The following CACNA2D1 variants were observed in gnomAD, a reference collection of about 807,000 sequenced individuals.
The protein encoded by CACNA2D1 is calcium voltage-gated channel auxiliary subunit alpha2delta 1.
Under a neutral mutation model 171.5 loss-of-function variants are expected in CACNA2D1, and 53 were observed. The observed-to-expected ratio is 0.31, with a 90% CI of 0.25 to 0.39. The LOEUF (loss-of-function observed/expected upper bound fraction) is 0.39, where lower values mean the gene tolerates loss of function less well. Among genes scored for constraint, CACNA2D1 ranks in the 10% least tolerant of loss-of-function variants. The pLI is 1.00. For synonymous variants in CACNA2D1, 442 were observed against 443.1 expected, an observed-to-expected ratio of 1.00 and a Z score of 0.03; for missense variants, 903 against 1,299.8, an observed-to-expected ratio of 0.69 and a Z score of 4.69.
At chr7:82,218,086 C>T (rs1385573029) in intron 3 of CACNA2D1, among the ~76,000 whole-genome samples, 2 of 151,910 alleles carry the variant, frequency 1.3e-5, no homozygotes, top group African/African-American at 2.4e-5. Context: ...AGGCACCCAC[C>T]ACCACGCCCG....
intron 9 of CACNA2D1, among the ~76,000 whole-genome samples, chr7:82,061,730 T>G (rs1282757788): frequency 5.9e-5 from 9 of 152,006 alleles, no homozygotes; most frequent in African/African-American, 1.9e-4. Flanking sequence ...GGAGGGAGAT[T>G]AGGGATTTTT....
At chr7:81,971,723 A>G in intron 26 of CACNA2D1, 54 bp downstream of exon 26, 2 of 999,210 alleles carry the variant, frequency 2.0e-6, no homozygotes, top group South Asian at 1.3e-5. Flanking sequence ...TCCACAGGAG[A>G]AACTAAATTG....
intron 4 of CACNA2D1, among the ~76,000 whole-genome samples, chr7:82,163,172 G>C (rs1795115002): frequency 1.3e-5 from 2 of 152,016 alleles, no homozygotes; most frequent in Admixed American, 6.6e-5. Flanking sequence ...ATATATATTA[G>C]TCTCCACATT....
At chr7:81,959,159 A>AAAAACTATGG in intron 38 of CACNA2D1, 116 bp downstream of exon 38, 1 of 762,442 alleles carries the variant, frequency 1.3e-6, no homozygotes, top group Non-Finnish European at 2.3e-6. Context: ...TGTTAATGAG[A>AAAAACTATGG]AAAACTATGG....
At chr7:82,237,163 A>T (rs1051663188) in intron 3 of CACNA2D1, among the ~76,000 whole-genome samples, 3 of 151,950 alleles carry the variant, frequency 2.0e-5, no homozygotes, top group Non-Finnish European at 4.4e-5. Flanking sequence ...GTAAAAAGTA[A>T]AGACCAGAAA....
Position 82,117,704 on chromosome 7 carries a change from A to G in CACNA2D1, c.397-531T>C, listed in dbSNP as rs373925749. ...CTTTAGGTCAAAAGATCGCTTGTGC[A>G]TGGGAGGTTAAGGCTGCAGTGAGCC... On this transcript the variant is annotated intron_variant, in intron 5 of 38. Transcript: ENST00000356860. Among the ~76,000 whole-genome samples, 13 of 152,206 alleles carry G rather than the reference A, an allele frequency of 8.5e-5. No individual in the cohort carries two copies. The East Asian group carries it at 1.7e-3, about 20-fold the overall frequency.
At chr7:82,019,971 T>C (rs935170332) in intron 12 of CACNA2D1, among the ~76,000 whole-genome samples, 1 of 152,202 alleles carries the variant, frequency 6.6e-6, no homozygotes, top group Non-Finnish European at 1.5e-5. Flanking sequence ...GGTAAAATTC[T>C]AATGTGGTTT....
At chr7:82,134,594 CT>C (rs1791390049) in intron 5 of CACNA2D1, among the ~76,000 whole-genome samples, 1 of 152,118 alleles carries the variant, frequency 6.6e-6, no homozygotes, top group East Asian at 1.9e-4. Context: ...ATTTATAAGG[CT>C]TTAATTTGCT....
At chr7:82,026,036 G>T (rs1483825423) in intron 12 of CACNA2D1, among the ~76,000 whole-genome samples, 1 of 144,420 alleles carries the variant, frequency 6.9e-6, no homozygotes, top group African/African-American at 2.5e-5. Flanking sequence ...ATCCTTCTTT[G>T]TCTCGTGTCA....
intron 3 of CACNA2D1, among the ~76,000 whole-genome samples, chr7:82,323,886 C>G (rs1471062075): frequency 1.3e-5 from 2 of 152,162 alleles, no homozygotes; most frequent in South Asian, 2.1e-4. Flanking sequence ...CTTGTCTGAA[C>G]CTTCCATTAA....
chr7:82,426,869 G>T (rs564805212), intron 1 of CACNA2D1, among the ~76,000 whole-genome samples: 12 of 152,010 alleles, frequency 7.9e-5, no homozygotes, highest in Non-Finnish European at 1.8e-4. Flanking sequence ...ACCCGCAGTC[G>T]ACCAAAGTCC....
chr7:82,356,915 C>G (rs1358733276), intron 1 of CACNA2D1, among the ~76,000 whole-genome samples: 1 of 151,974 alleles, frequency 6.6e-6, no homozygotes, highest in Non-Finnish European at 1.5e-5. Context: ...CTTCTCTGTC[C>G]CTTCAATAAC....
At chr7:81,959,098 G>A (rs974970560) in intron 38 of CACNA2D1, among the ~76,000 whole-genome samples, 177 bp downstream of exon 38, 1 of 151,988 alleles carries the variant, frequency 6.6e-6, no homozygotes, top group African/African-American at 2.4e-5. Flanking sequence ...TCAAGTTTAT[G>A]CTAACCATGA....
rs747843223 is a variant in CACNA2D1 at position 82,060,201 on chromosome 7, T to TATATATATAATATATATATATTA, written c.879+226_879+227insTAATATATATATATTATATATAT. Among the ~76,000 whole-genome samples the TATATATATAATATATATATATTA allele has an allele frequency of 1.2e-3, 13 of 10,418 alleles. 3 individuals are homozygous for TATATATATAATATATATATATTA. The highest frequency in any genetic ancestry group is 2.3e-3 in the Non-Finnish European group (9 of 3,874). 6.8% of individuals were successfully genotyped at this position (10,418 alleles called of 152,430 possible). A position where few individuals can be genotyped will look rare whatever the true frequency, so the allele number is the denominator to read the frequency against. On this transcript the variant is annotated intron_variant, in intron 10 of 38. Transcript: ENST00000356860. Reference sequence around the variant, plus strand: ...ATAATATATATATATTATATATATATTATATATATAATATATATATAATAT... The same window carrying TATATATATAATATATATATATTA: ...ATAATATATATATATTATATATATATATATATATAATATATATATATTATATATATATAATATATATATAATAT...
At chr7:82,301,925 A>T (rs113721016) in intron 3 of CACNA2D1, among the ~76,000 whole-genome samples, 5,360 of 151,652 alleles carry the variant, frequency 0.035, 169 homozygotes, top group African/African-American at 0.09. Context: ...GCCTGGCTAA[A>T]TTTTTGTATT....
At chr7:82,214,565 A>G (rs1314410951) in intron 3 of CACNA2D1, among the ~76,000 whole-genome samples, 1 of 152,052 alleles carries the variant, frequency 6.6e-6, no homozygotes, top group Admixed American at 6.6e-5. Flanking sequence ...ACAATATCCA[A>G]CTTGGAAGTT....
At chr7:81,971,894 T>C in intron 25 of CACNA2D1, 30 bp from the exon 26 acceptor site, 1 of 1,290,288 alleles carries the variant, frequency 7.8e-7, no homozygotes, top group Non-Finnish European at 1.1e-6. Flanking sequence ...TCAGTTACAC[T>C]CACATTTCTA....
chr7:82,151,464 C>T (rs1394031504), intron 4 of CACNA2D1, among the ~76,000 whole-genome samples: 38 of 152,072 alleles, frequency 2.5e-4, no homozygotes, highest in Non-Finnish European at 7.4e-5. Flanking sequence ...TGGTTGCTAA[C>T]AAATCAATCT....
At chr7:82,428,480 G>A (rs532154307) in intron 1 of CACNA2D1, among the ~76,000 whole-genome samples, 41 of 152,208 alleles carry the variant, frequency 2.7e-4, no homozygotes, top group African/African-American at 9.1e-4. Flanking sequence ...TTCCCCTAGT[G>A]TTCTAATCAG....
Sources: allele counts gnomAD v4.1 joint callset (sites outside exome capture counted in the v4.1 genomes callset), GRCh38; gene constraint gnomAD v4.1.1; transcripts MANE v1.5; gene names NCBI Gene and HGNC (gene_info 2026-07-23, HGNC 2026-07-21).